ELOVL7: variants seen among roughly 807,000 people sequenced by gnomAD.
The protein encoded by ELOVL7 is very long chain fatty acid elongase 7.
In ELOVL7, 27 loss-of-function variants were observed where a neutral mutation model predicts 35.7. The ratio of observed to expected loss-of-function variants is 0.76; its 90% confidence interval spans 0.56 to 1.04. ELOVL7 has a LOEUF of 1.04. ELOVL7 is among the 50% of genes least tolerant of loss of function. The pLI is 0.00. For synonymous variants in ELOVL7, 113 were observed against 114.6 expected (o/e 0.99, Z 0.09); for missense variants, 327 against 340.8 (o/e 0.96, Z 0.32).
intron 7 of ELOVL7, among the ~76,000 whole-genome samples, chr5:60,761,319 AG>A (rs1741896544): frequency 3.9e-5 from 6 of 152,200 alleles, no homozygotes; most frequent in Admixed American, 3.9e-4. Context: ...CCTATTCAAA[AG>A]AATAGCTGGA....
intron 7 of ELOVL7, among the ~76,000 whole-genome samples, chr5:60,758,733 C>T (rs373509019): frequency 8.5e-4 from 129 of 152,208 alleles, no homozygotes; most frequent in African/African-American, 2.8e-3. Flanking sequence ...GATAGTGTGG[C>T]GGGAGGAACA....
chr5:60,768,524 T>G (rs1742380837), intron 4 of ELOVL7: 1 of 295,682 alleles, frequency 3.4e-6, no homozygotes, highest in Non-Finnish European at 6.8e-6. Flanking sequence ...ACAATAAAAG[T>G]GCAATCTGGC....
At position 60,844,168 on chromosome 5, in the gene ELOVL7, G is replaced by A. The variant is rs759413908; in HGVS notation, c.-94C>T. The stretch of plus-strand genomic sequence containing the variant: ...TGGAACCCCGCACTCACCGCACAGG[G>A]AGCGGAGCCGAAGCGCCGGGCGCGC... On this transcript the variant is annotated 5_prime_UTR_variant, in exon 1 of 9. Coordinates refer to ENST00000508821, the MANE Select transcript of ELOVL7 (RefSeq NM_024930.3). 3 of 152,204 alleles carry A rather than the reference G, an allele frequency of 2.0e-5. No individual in the cohort carries two copies. Among genetic ancestry groups the A allele is most frequent in the Non-Finnish European group, 2.9e-5 (2 of 68,144 alleles). The allele number at this position is 152,204 out of a possible 1,614,324, so 9.4% of individuals were successfully genotyped here.
At chr5:60,762,170 CT>C (rs1741961000) in intron 7 of ELOVL7, among the ~76,000 whole-genome samples, 2 of 151,774 alleles carry the variant, frequency 1.3e-5, no homozygotes, top group African/African-American at 4.8e-5. Flanking sequence ...TATAAAGTGA[CT>C]GATGTCCATA....
chr5:60,763,991 A>G (rs1343316419), intron 7 of ELOVL7, among the ~76,000 whole-genome samples: 1 of 152,190 alleles, frequency 6.6e-6, no homozygotes, highest in Non-Finnish European at 1.5e-5. Flanking sequence ...CAAAACAACT[A>G]AAGAATATGT....
chr5:60,821,198 A>T (rs1337197242), intron 1 of ELOVL7, among the ~76,000 whole-genome samples: 2 of 152,292 alleles, frequency 1.3e-5, no homozygotes, highest in Admixed American at 1.3e-4. Flanking sequence ...AAAATCCTTC[A>T]AAGTCTGCCT....
intron 7 of ELOVL7, among the ~76,000 whole-genome samples, chr5:60,759,952 T>C (rs1490563576): frequency 1.3e-5 from 2 of 152,192 alleles, no homozygotes; most frequent in Non-Finnish European, 2.9e-5. Context: ...TCCATGTCCC[T>C]ACAAAGGACA....
intron 3 of ELOVL7, 102 bp downstream of exon 3, chr5:60,787,232 A>C: frequency 1.0e-6 from 1 of 958,838 alleles, no homozygotes; most frequent in Non-Finnish European, 1.6e-6. Flanking sequence ...GGGACTGTTA[A>C]GTTGCAAAGT....
chr5:60,794,272 CT>C (rs1744113052), intron 2 of ELOVL7, among the ~76,000 whole-genome samples: 1 of 152,234 alleles, frequency 6.6e-6, no homozygotes, highest in African/African-American at 2.4e-5. Context: ...AGAAATGCGC[CT>C]TCTTCGTAGA....
chr5:60,821,225 C>CT (rs1474735287), intron 1 of ELOVL7, among the ~76,000 whole-genome samples: 3 of 152,168 alleles, frequency 2.0e-5, no homozygotes, highest in Non-Finnish European at 4.4e-5. Flanking sequence ...ACTAAAAAGT[C>CT]TAACTCTGTG....
intron 1 of ELOVL7, among the ~76,000 whole-genome samples, chr5:60,841,495 C>A (rs1747169604): frequency 6.6e-6 from 1 of 152,140 alleles, no homozygotes; most frequent in Admixed American, 6.5e-5. Flanking sequence ...AATTTCCAGT[C>A]TTATTTTCTC....
intron 2 of ELOVL7, among the ~76,000 whole-genome samples, chr5:60,795,618 C>A (rs1219195396): frequency 7.9e-5 from 12 of 152,202 alleles, no homozygotes; most frequent in Non-Finnish European, 4.4e-5. Context: ...CGCTCACCAT[C>A]CACCAGGGCT....
chr5:60,753,370 A>C lies in ELOVL7; in HGVS notation c.*1254T>G, dbSNP rs1202660518. On this transcript the variant is annotated 3_prime_UTR_variant, in exon 9 of 9. Transcript: ENST00000508821. ...ACAAAGTGTATGCCAAACGAATTTC[A>C]GTCCTTCATTACATGGTTTATAGGT... 2.6e-5 allele frequency: 4 copies of C among 152,226 alleles called. No individual in the cohort carries two copies. Among genetic ancestry groups the C allele is most frequent in the African/African-American group, 9.6e-5 (4 of 41,470 alleles). 9.4% of individuals were successfully genotyped at this position (152,226 alleles called of 1,614,324 possible). A position where few individuals can be genotyped will look rare whatever the true frequency, so the allele number is the denominator to read the frequency against.
At chr5:60,763,682 G>A (rs1742058605) in intron 7 of ELOVL7, among the ~76,000 whole-genome samples, 1 of 152,078 alleles carries the variant, frequency 6.6e-6, no homozygotes, top group Non-Finnish European at 1.5e-5. Context: ...AACTATTTTG[G>A]ACCTTAAAAA....
At chr5:60,780,183 G>A (rs527916986) in intron 3 of ELOVL7, among the ~76,000 whole-genome samples, 4 of 142,936 alleles carry the variant, frequency 2.8e-5, no homozygotes, top group African/African-American at 8.0e-5. Context: ...GCAACGGTAC[G>A]ATCTCGGCTC....
intron 7 of ELOVL7, among the ~76,000 whole-genome samples, chr5:60,758,432 TA>T (rs775013282): frequency 6.6e-6 from 1 of 152,200 alleles, no homozygotes; most frequent in Non-Finnish European, 1.5e-5. Flanking sequence ...TAATCTTCAT[TA>T]AATAATTTTG....
chr5:60,812,716 A>AC (rs1243402250), intron 1 of ELOVL7, among the ~76,000 whole-genome samples: 1 of 152,146 alleles, frequency 6.6e-6, no homozygotes, highest in Non-Finnish European at 1.5e-5. Flanking sequence ...CTCTTGCTAA[A>AC]CCTAAAGGCT....
intron 1 of ELOVL7, among the ~76,000 whole-genome samples, chr5:60,817,822 G>A (rs11747856): frequency 0.79 from 115,430 of 146,438 alleles, 45,625 homozygotes; most frequent in East Asian, 0.91. Context: ...ATGTGTGTGT[G>A]TATATATATG....
intron 1 of ELOVL7, among the ~76,000 whole-genome samples, chr5:60,808,805 C>G (rs1376054484): frequency 1.3e-5 from 2 of 152,114 alleles, no homozygotes; most frequent in African/African-American, 4.8e-5. Flanking sequence ...AAGAAAAAGG[C>G]TGCTGATACA....
Sources: allele counts gnomAD v4.1 joint callset (sites outside exome capture counted in the v4.1 genomes callset), GRCh38; gene constraint gnomAD v4.1.1; transcripts MANE v1.5; gene names NCBI Gene and HGNC (gene_info 2026-07-23, HGNC 2026-07-21).